Variants in WDR90 observed in about 807,000 individuals in gnomAD.
The protein encoded by WDR90 is WD repeat-containing protein 90.
Under a neutral mutation model 195.2 loss-of-function variants are expected in WDR90, and 238 were observed. The observed-to-expected ratio is 1.22, with a 90% CI of 1.10 to 1.36. The LOEUF (loss-of-function observed/expected upper bound fraction) is 1.36, where lower values mean the gene tolerates loss of function less well. WDR90 is among the 40% of genes most tolerant of loss of function. The pLI is 0.00. For synonymous variants in WDR90, 1,265 were observed against 1,052.4 expected (o/e 1.20, Z -3.91); for missense variants, 2,734 against 2,439.5 (o/e 1.12, Z -2.54).
intron 13 of WDR90, 34 bp from the exon 14 acceptor site, chr16:654,995 C>A (rs2037718937): frequency 6.2e-7 from 1 of 1,602,358 alleles, no homozygotes; most frequent in African/African-American, 1.3e-5. Context: ...CCCGACTGGC[C>A]CTGCCGTGCG....
chr16:666,332 CTG>C lies in WDR90; in HGVS notation c.4726_4727del (p.Val1576HisfsTer6). 3 of 1,612,750 alleles carry C rather than the reference CTG, an allele frequency of 1.9e-6. No individual in the cohort carries two copies. Among genetic ancestry groups the C allele is most frequent in the Non-Finnish European group, 1.7e-6 (2 of 1,179,988 alleles). On this transcript the variant is annotated frameshift_variant, in exon 37 of 41. Transcript: ENST00000293879. LOFTEE classifies it high-confidence loss of function. ...DHQGAPISTICVTCKECEDLG... is the reference protein window; with the variant it reads ...DHQGAPISTIXVTCKECEDLG... Reference sequence around the variant, plus strand: ...ACCAGGGCGCCCCAATCTCTACCATCTGTGTCACGTGCAAAGAGGTAAAGCAG... The same window carrying C: ...ACCAGGGCGCCCCAATCTCTACCATCTGTCACGTGCAAAGAGGTAAAGCAG...
intron 7 of WDR90, 97 bp downstream of exon 7, chr16:651,363 G>A: frequency 7.3e-7 from 1 of 1,367,628 alleles, no homozygotes; most frequent in Non-Finnish European, 1.0e-6. Context: ...CCAGTGGTGT[G>A]CTGGCTGCAG....
chr16:659,876 A>G (rs886380761), intron 26 of WDR90, among the ~76,000 whole-genome samples, 182 bp from the exon 27 acceptor site: 1 of 152,168 alleles, frequency 6.6e-6, no homozygotes, highest in African/African-American at 2.4e-5. Context: ...CCCCCGTGTG[A>G]CGAGGCAAGG....
In WDR90 at chr16:653,823, G is replaced by A. The variant is rs537575098; in HGVS notation, c.1437+20G>A. ...AGGACGGTAACAGGGCCCTGGCTGCGGGTTGGGGTGGGGCTGTCCTGATGC... is the reference window on the plus strand; with the variant it reads ...AGGACGGTAACAGGGCCCTGGCTGCAGGTTGGGGTGGGGCTGTCCTGATGC... On this transcript the variant is annotated intron_variant, in intron 13 of 40. Transcript: ENST00000293879. 1.5e-4 allele frequency: 249 copies of A among 1,612,648 alleles called. No individual in the cohort carries two copies. Among genetic ancestry groups the A allele is most frequent in the Admixed American group, 2.2e-4 (13 of 59,974 alleles).
At chr16:662,915 C>T in intron 34 of WDR90, 71 bp downstream of exon 34, 1 of 1,527,622 alleles carries the variant, frequency 6.5e-7, no homozygotes, top group Non-Finnish European at 8.8e-7. Flanking sequence ...CCGGCTCCAT[C>T]TCCACCAGCC....
In WDR90 at chr16:656,441, G is replaced by A. The variant is rs534593837; in HGVS notation, c.2106G>A (p.Pro702=). ...TGCTGGCTCGCTCCCACACCGCCCC[G>A]GTGTTGGCCCTCGCCATGGAGCAGA... ...YHMLARSHTA[P]VLALAMEQRR... The change falls in exon 18 of 41, where the codon CCG becomes CCA. Residue 702 remains proline, a synonymous_variant. Coordinates refer to ENST00000293879, the MANE Select transcript of WDR90 (RefSeq NM_145294.5). The A allele has an allele frequency of 3.0e-5, 48 of 1,601,670 alleles. No individual in the cohort carries two copies. The East Asian group carries it at 7.0e-4, about 23-fold the overall frequency.
At chr16:658,497 G>A (rs756192609) in intron 22 of WDR90, 28 bp from the exon 23 acceptor site, 26 of 1,594,162 alleles carry the variant, frequency 1.6e-5, no homozygotes, top group East Asian at 1.1e-4. Context: ...CCTGAGACAC[G>A]GCATTTCCCA....
chr16:661,804 G>A lies in WDR90; in HGVS notation c.3864+17G>A, dbSNP rs372146757. The A allele has an allele frequency of 1.6e-5, 26 of 1,590,168 alleles. No homozygotes were observed. In the African/African-American group the frequency reaches 2.6e-4, roughly 16 times the overall value. ...AGCCTTCAGGTGCCACCCGTTCAGC[G>A]TTTGGGCCCAGGGGTTGTTTTGTGG... is the stretch of plus-strand genomic sequence containing the variant. On this transcript the variant is annotated intron_variant, in intron 31 of 40. Coordinates refer to ENST00000293879, the MANE Select transcript of WDR90 (RefSeq NM_145294.5).
At chr16:662,157 G>T in intron 32 of WDR90, 63 bp from the exon 33 acceptor site, 1 of 1,523,332 alleles carries the variant, frequency 6.6e-7, no homozygotes, top group South Asian at 1.2e-5. Flanking sequence ...CGTCCGGGCA[G>T]CCTTGTGACC....
At chr16:651,500 T>G in intron 7 of WDR90, 144 bp from the exon 8 acceptor site, 5 of 1,000,850 alleles carry the variant, frequency 5.0e-6, no homozygotes, top group Non-Finnish European at 7.4e-6. Flanking sequence ...TTTCAGGGCC[T>G]AGGGTGGAAG....
chr16:651,756 C>T lies in WDR90; in HGVS notation c.840+9C>T, dbSNP rs577047880. Reference sequence around the variant, plus strand: ...CGCCCAGCCCCACAGCCGTGAGTACCCCCTTCGCCCTATGAGATGGGGTTG... The same window carrying T: ...CGCCCAGCCCCACAGCCGTGAGTACTCCCTTCGCCCTATGAGATGGGGTTG... On this transcript the variant is annotated intron_variant, in intron 8 of 40. Transcript: ENST00000293879. 14 of 1,613,014 alleles carry T rather than the reference C, an allele frequency of 8.7e-6. No homozygotes were observed. In the South Asian group the frequency reaches 1.4e-4, roughly 16 times the overall value.
At chr16:659,222 T>C (rs751715335) in intron 25 of WDR90, 23 bp from the exon 26 acceptor site, 52 of 1,611,220 alleles carry the variant, frequency 3.2e-5, no homozygotes, top group Non-Finnish European at 4.4e-5. Context: ...TTCCCAAACA[T>C]CACAGGGCTG....
chr16:658,836 G>A (rs1237413425), intron 23 of WDR90, 60 bp from the exon 24 acceptor site: 26 of 1,595,370 alleles, frequency 1.6e-5, no homozygotes, highest in Non-Finnish European at 8.5e-7. Flanking sequence ...CTGGGGACTG[G>A]GCACACGGCA....
Position 651,826 on chromosome 16 carries a change from G to C in WDR90, c.841-1G>C. 6.2e-7 allele frequency: 1 copy of C among 1,610,558 alleles called. No homozygotes were observed. The highest frequency in any genetic ancestry group is 1.3e-5 in the African/African-American group (1 of 75,060). On this transcript the variant is annotated splice_acceptor_variant, in intron 8 of 40. Coordinates refer to ENST00000293879, the MANE Select transcript of WDR90 (RefSeq NM_145294.5). LOFTEE classifies it high-confidence loss of function. ...GCTGATGGGCACTTGTCCCCCAGCA[G>C]TCCGGCCGGGCCGCCTTGGCACCCA...
intron 10 of WDR90, among the ~76,000 whole-genome samples, chr16:652,990 G>C (rs73487427): frequency 0.017 from 2,588 of 152,336 alleles, 91 homozygotes; most frequent in African/African-American, 0.059. Flanking sequence ...GTCAGGCCCT[G>C]CTGGGTGCCT....
rs866493207 is a variant in WDR90, at chr16:649,800, C to T, written c.48C>T (p.Phe16=). 2 of 1,577,746 alleles carry T rather than the reference C, an allele frequency of 1.3e-6. No individual in the cohort carries two copies. The highest frequency in any genetic ancestry group is 1.2e-5 in the South Asian group (1 of 86,932). ...CGTTCCTCAACGTCTTCAGACACTT[C>T]CGGGTGGACGAGTGGAAGCGCTCCG... is the stretch of plus-strand genomic sequence containing the variant. ...QHPFLNVFRH[F]RVDEWKRSAK... Residue 16 remains phenylalanine (F), a synonymous_variant, in exon 2 of 41, where the codon TTC becomes TTT. Transcript: ENST00000293879.
At chr16:665,180 AG>A (rs1373483441) in intron 34 of WDR90, 1 of 262,248 alleles carries the variant, frequency 3.8e-6, no homozygotes, top group Admixed American at 5.3e-5. Context: ...CGGTTTTGGG[AG>A]GAGGAATGCG....
At chr16:653,221 T>C (rs2151187059) in intron 10 of WDR90, 120 bp from the exon 11 acceptor site, 1 of 759,668 alleles carries the variant, frequency 1.3e-6, no homozygotes, top group East Asian at 2.7e-5. Flanking sequence ...TGCCCAGGTG[T>C]GTGTGCCAGG....
intron 20 of WDR90, 61 bp from the exon 21 acceptor site, chr16:657,700 GC>G: frequency 3.4e-6 from 5 of 1,471,800 alleles, no homozygotes; most frequent in Non-Finnish European, 4.5e-6. Flanking sequence ...GCCTCCTCGG[GC>G]CCTGGCCACG....
Sources: gnomAD v4.1 joint callset for allele counts (sites outside exome capture counted in the v4.1 genomes callset) on GRCh38, gnomAD v4.1.1 for gene constraint, MANE v1.5 for transcripts, NCBI Gene and HGNC (gene_info 2026-07-23, HGNC 2026-07-21) for gene names.